GRAMD4: variants seen among roughly 807,000 people sequenced by gnomAD.
GRAMD4 encodes GRAM domain-containing protein 4.
A neutral mutation model predicts 83.9 loss-of-function variants in GRAMD4; 25 were observed. That is an observed-to-expected ratio of 0.30 (90% confidence interval 0.22 to 0.42). The LOEUF is 0.42. Among genes scored for constraint, GRAMD4 ranks in the 10% least tolerant of loss-of-function variants. The pLI is 1.00. For missense variants in GRAMD4, 593 were observed against 788.7 expected, an observed-to-expected ratio of 0.75 and a Z score of 2.97; for synonymous variants, 336 against 320.9, an observed-to-expected ratio of 1.05 and a Z score of -0.50.
intron 1 of GRAMD4, among the ~76,000 whole-genome samples, chr22:46,626,383 A>T (rs566685979): frequency 5.3e-5 from 8 of 151,960 alleles, no homozygotes; most frequent in Non-Finnish European, 1.2e-4. Flanking sequence ...CGCCTCGCCG[A>T]GCCAGGCTGA....
chr22:46,624,160 AT>A (rs2081618874), intron 1 of GRAMD4, among the ~76,000 whole-genome samples: 1 of 150,616 alleles, frequency 6.6e-6, no homozygotes, highest in Non-Finnish European at 1.5e-5. Flanking sequence ...TTTATAGCGT[AT>A]TTTGACATTT....
At position 46,604,815 on chromosome 22, in the gene GRAMD4, G is replaced by A. The variant is rs556228807; in HGVS notation, c.-49-21936G>A. ...TCTCCGGGTTCACCCAGGTTTTGGT[G>A]CCATAATGTTCTCTGGGTTCACCCA... On this transcript the variant is annotated intron_variant, in intron 1 of 1. Transcript: ENST00000431155. Among the ~76,000 whole-genome samples, 4 of 150,354 alleles carry A rather than the reference G, an allele frequency of 2.7e-5. No individual in the cohort carries two copies. The South Asian group carries it at 6.3e-4, about 24-fold the overall frequency.
chr22:46,648,899 CATGGATGG>C (rs1188010701), intron 3 of GRAMD4, among the ~76,000 whole-genome samples: 15 of 13,842 alleles, frequency 1.1e-3, no homozygotes, highest in African/African-American at 2.7e-3. Context: ...TGGATGGATG[CATGGATGG>C]ATGGATGGAT....
chr22:46,607,048 C>A (rs1321447688), intron 1 of GRAMD4, among the ~76,000 whole-genome samples: 1 of 152,202 alleles, frequency 6.6e-6, no homozygotes, highest in Non-Finnish European at 1.5e-5. Context: ...GTCCAGAGCT[C>A]TGCTGCCGAC....
chr22:46,609,102 C>CT lies in GRAMD4; in HGVS notation c.-49-17648dup, dbSNP rs2081392746. On this transcript the variant is annotated intron_variant, in intron 1 of 1. Transcript: ENST00000431155. ...TGGGTGAAAGAGTAAGACCTTGTCT[C>CT]TAAAAAAAAAAACAACAACAACCCG... Among the ~76,000 whole-genome samples the CT allele has an allele frequency of 2.4e-5, 3 of 126,930 alleles. No individual in the cohort carries two copies. The South Asian group carries it at 7.2e-4, about 30-fold the overall frequency. The allele number at this position is 126,930 out of a possible 152,430, so 83.3% of individuals were successfully genotyped here. A position where few individuals can be genotyped will look rare whatever the true frequency, so the allele number is the denominator to read the frequency against.
At chr22:46,660,300 C>A (rs966659083) in intron 4 of GRAMD4, among the ~76,000 whole-genome samples, 2 of 152,160 alleles carry the variant, frequency 1.3e-5, no homozygotes, top group Non-Finnish European at 2.9e-5. Flanking sequence ...CTCTCCCCTG[C>A]TTTACATGGG....
chr22:46,665,466 T>A, intron 8 of GRAMD4, 149 bp from the exon 9 acceptor site: 1 of 579,980 alleles, frequency 1.7e-6, no homozygotes, highest in African/African-American at 1.9e-5. Context: ...GGCTTCCCCA[T>A]CAGACGCACC....
downstream of GRAMD4, chr22:46,682,424 A>G (rs1255426351): frequency 1.0e-6 from 1 of 985,202 alleles, no homozygotes; most frequent in South Asian, 4.7e-5. Context: ...AATCATCATC[A>G]TAGGAGTGTG....
chr22:46,657,601 C>G (rs922838599), intron 3 of GRAMD4, among the ~76,000 whole-genome samples: 7 of 152,240 alleles, frequency 4.6e-5, no homozygotes, highest in African/African-American at 1.7e-4. Flanking sequence ...TGTGGCCTCG[C>G]TGTGTTCCCT....
At chr22:46,608,568 C>A (rs75112786) in intron 1 of GRAMD4, among the ~76,000 whole-genome samples, 15,512 of 151,444 alleles carry the variant, frequency 0.1, 1,667 homozygotes, top group African/African-American at 0.27. Flanking sequence ...AGTGACAGCT[C>A]CTTGGGAGGC....
At chr22:46,631,245 G>GCCACCTCCACCTCCACCT (rs535882584) in intron 2 of GRAMD4, among the ~76,000 whole-genome samples, 1 of 152,100 alleles carries the variant, frequency 6.6e-6, no homozygotes, top group Non-Finnish European at 1.5e-5. Context: ...TGCCACCATC[G>GCCACCTCCACCTCCACCT]CCACCTCCAC....
chr22:46,661,415 G>T lies in GRAMD4; in HGVS notation c.439G>T (p.Gly147Trp). 1 of 1,612,076 alleles carries T rather than the reference G, an allele frequency of 6.2e-7. No homozygotes were observed. Among genetic ancestry groups the T allele is most frequent in the Non-Finnish European group, 8.5e-7 (1 of 1,179,840 alleles). ...EEQMAQQPPK[G>W]QAQASNGAER... ...GCAGATGGCTCAGCAGCCCCCAAAA[G>T]GGCAGGCCCAGGCCAGCAATGGAGC... Residue 147 changes from glycine (G) to tryptophan (W), a missense_variant, in exon 5 of 19, where the codon GGG (glycine) becomes TGG (tryptophan). Physicochemically the swap from Gly to Trp is radical, Grantham distance 184 (BLOSUM62 -2). Transcript: ENST00000406902.
At chr22:46,628,378 G>A (rs980514737) in intron 2 of GRAMD4, among the ~76,000 whole-genome samples, 22 of 152,132 alleles carry the variant, frequency 1.4e-4, no homozygotes, top group Non-Finnish European at 1.0e-4. Flanking sequence ...ACTCAGGCAG[G>A]TTCGTGTCCT....
chr22:46,652,723 T>G (rs2082184371), intron 3 of GRAMD4, among the ~76,000 whole-genome samples: 1 of 152,204 alleles, frequency 6.6e-6, no homozygotes, highest in Admixed American at 6.5e-5. Flanking sequence ...GCTGCAGATT[T>G]TCGGTGCCTG....
chr22:46,680,075 G>T (rs983527139), downstream of GRAMD4, among the ~76,000 whole-genome samples: 1 of 152,240 alleles, frequency 6.6e-6, no homozygotes, highest in Admixed American at 6.5e-5. Flanking sequence ...GACGCGGCCT[G>T]CAGGGAGGGT....
At chr22:46,662,298 C>G (rs1305129690) in intron 5 of GRAMD4, among the ~76,000 whole-genome samples, 4 of 152,202 alleles carry the variant, frequency 2.6e-5, no homozygotes, top group Non-Finnish European at 5.9e-5. Context: ...CTGCAGCCCC[C>G]TGGGTATGGT....
At chr22:46,661,542 C>A in intron 5 of GRAMD4, 100 bp downstream of exon 5, 2 of 842,732 alleles carry the variant, frequency 2.4e-6, no homozygotes, top group South Asian at 1.4e-5. Flanking sequence ...AGCAGATACC[C>A]CCTCCCCCAG....
Position 46,663,837 on chromosome 22 carries a change from G to A in GRAMD4, c.600-1G>A. 1 of 1,613,374 alleles carries A rather than the reference G, an allele frequency of 6.2e-7. No individual in the cohort carries two copies. The highest frequency in any genetic ancestry group is 8.5e-7 in the Non-Finnish European group (1 of 1,179,936). On this transcript the variant is annotated splice_acceptor_variant, in intron 6 of 18. Transcript: ENST00000406902. LOFTEE classifies it high-confidence loss of function. ...CTCCCATCTCTCCCCTTCTCTCTTA[G>A]GTTAACTGAAAATATGAGACGGCTC...
chr22:46,656,429 C>T (rs1305997398), intron 3 of GRAMD4, among the ~76,000 whole-genome samples: 1 of 152,212 alleles, frequency 6.6e-6, no homozygotes, highest in East Asian at 1.9e-4. Flanking sequence ...CGGCTGCTCC[C>T]TGCCTGGGCA....
Sources: allele counts gnomAD v4.1 joint callset (sites outside exome capture counted in the v4.1 genomes callset), GRCh38; gene constraint gnomAD v4.1.1; transcripts MANE v1.5; gene names NCBI Gene and HGNC (gene_info 2026-07-23, HGNC 2026-07-21).